The following AFF2 variants were observed in gnomAD, a reference collection of about 807,000 sequenced individuals.
AFF2 encodes the protein ALF transcription elongation factor 2.
In AFF2, 14 loss-of-function variants were observed where a neutral mutation model predicts 76.9. That is an observed-to-expected ratio of 0.18 (90% confidence interval 0.12 to 0.28). The LOEUF (loss-of-function observed/expected upper bound fraction) is 0.28. Ranked by LOEUF, AFF2 falls within the 10% of genes least tolerant of loss-of-function variation. The pLI is 1.00. For missense variants in AFF2, 868 were observed against 1,001.1 expected, an observed-to-expected ratio of 0.87 and a Z score of 1.79; for synonymous variants, 398 against 366.7, an observed-to-expected ratio of 1.09 and a Z score of -0.98.
intron 1 of AFF2, among the ~76,000 whole-genome samples, chrX:148,590,434 A>G (rs2053512580): frequency 9.0e-6 from 1 of 111,533 alleles, no homozygotes; most frequent in South Asian, 3.8e-4. Flanking sequence ...TTGCATAGCC[A>G]TAGTCTCTAC....
intron 3 of AFF2, among the ~76,000 whole-genome samples, chrX:148,804,921 G>T (rs1557271193): frequency 9.0e-6 from 1 of 111,677 alleles, no homozygotes. Context: ...GGAAAACTGG[G>T]ACTCCCTGGA....
At chrX:148,601,289 A>G (rs1296985846) in intron 1 of AFF2, among the ~76,000 whole-genome samples, 1 of 112,321 alleles carries the variant, frequency 8.9e-6, no homozygotes, top group African/African-American at 3.2e-5. Flanking sequence ...ACTGTTTAGC[A>G]AGTTATCTGC....
intron 9 of AFF2, among the ~76,000 whole-genome samples, chrX:148,907,578 C>G (rs1278261210): frequency 1.3e-4 from 14 of 110,918 alleles, no homozygotes; most frequent in African/African-American, 4.6e-4. Context: ...GCAAAACCAG[C>G]AAGTTTCTAT....
At chrX:148,693,024 T>G (rs1176898607) in intron 3 of AFF2, among the ~76,000 whole-genome samples, 4 of 111,487 alleles carry the variant, frequency 3.6e-5, no homozygotes, top group African/African-American at 9.8e-5. Flanking sequence ...GTTTACGCCA[T>G]TCTCCTGCCT....
intron 3 of AFF2, among the ~76,000 whole-genome samples, chrX:148,751,590 C>T (rs781784874): frequency 1.8e-5 from 2 of 112,004 alleles, no homozygotes; most frequent in South Asian, 7.5e-4. Context: ...CTCTAGTAGA[C>T]AGGGCTTGTT....
chrX:148,700,587 T>C lies in AFF2; in HGVS notation c.1041+37819T>C, dbSNP rs567418617. Among the ~76,000 whole-genome samples the C allele has an allele frequency of 7.2e-5, 8 of 110,634 alleles. No individual in the cohort carries two copies. The South Asian group carries it at 2.7e-3, about 37-fold the overall frequency. ...CTGATATGTTCTTTCCAATAAGCTC[T>C]TCTGTCCTTGGCTTTTTGCAGATGC... On this transcript the variant is annotated intron_variant, in intron 3 of 20. Coordinates refer to ENST00000370460, the MANE Select transcript of AFF2 (RefSeq NM_002025.4).
At chrX:148,818,426 A>G in intron 4 of AFF2, among the ~76,000 whole-genome samples, 1 of 111,854 alleles carries the variant, frequency 8.9e-6, no homozygotes. Context: ...ATGCCAAAGA[A>G]TACTTCAATA....
At chrX:148,883,858 A>T (rs1480053657) in intron 7 of AFF2, among the ~76,000 whole-genome samples, 2 of 111,001 alleles carry the variant, frequency 1.8e-5, no homozygotes, top group East Asian at 5.7e-4. Flanking sequence ...CTGCTGGTCA[A>T]ATACTTAGGA....
chrX:148,982,123 G>GA (rs1193253287), intron 19 of AFF2, among the ~76,000 whole-genome samples: 6 of 111,832 alleles, frequency 5.4e-5, no homozygotes, highest in Admixed American at 2.8e-4. Context: ...AATCACTGGG[G>GA]AAAAAAGCGT....
At chrX:148,918,457 A>T (rs1321010548) in intron 9 of AFF2, among the ~76,000 whole-genome samples, 1 of 112,138 alleles carries the variant, frequency 8.9e-6, no homozygotes, top group Non-Finnish European at 1.9e-5. Flanking sequence ...GGTACTGAGT[A>T]GTGAAGATCT....
At chrX:148,695,394 G>A (rs989384686) in intron 3 of AFF2, among the ~76,000 whole-genome samples, 4 of 111,724 alleles carry the variant, frequency 3.6e-5, no homozygotes, top group East Asian at 2.8e-4. Context: ...TATAGAATCC[G>A]AAGACAGGCC....
At chrX:148,946,295 C>A (rs1426587759) in intron 9 of AFF2, among the ~76,000 whole-genome samples, 2 of 112,379 alleles carry the variant, frequency 1.8e-5, no homozygotes, top group Non-Finnish European at 3.8e-5. Flanking sequence ...CCCAGCACGT[C>A]ATTTAGCCAT....
intron 3 of AFF2, among the ~76,000 whole-genome samples, chrX:148,743,880 A>C (rs1413695026): frequency 4.5e-5 from 5 of 110,817 alleles, no homozygotes; most frequent in Non-Finnish European, 9.4e-5. Context: ...AATGGAGAAA[A>C]CTGCCAAATA....
intron 1 of AFF2, among the ~76,000 whole-genome samples, chrX:148,589,652 G>A (rs1192037676): frequency 2.7e-5 from 3 of 111,290 alleles, no homozygotes; most frequent in Non-Finnish European, 5.7e-5. Flanking sequence ...CATTTAGTAT[G>A]TCACCCAAGT....
chrX:148,580,342 A>G (rs373539198), intron 1 of AFF2, among the ~76,000 whole-genome samples: 30 of 111,442 alleles, frequency 2.7e-4, no homozygotes, highest in African/African-American at 9.4e-4. Context: ...CACCTTTTGT[A>G]AAAGAACCCC....
chrX:148,844,742 C>A (rs782228921), intron 7 of AFF2, among the ~76,000 whole-genome samples: 2 of 111,027 alleles, frequency 1.8e-5, no homozygotes, highest in Non-Finnish European at 3.8e-5. Context: ...GGCATTTCTA[C>A]GTTCTTGGTG....
intron 1 of AFF2, among the ~76,000 whole-genome samples, chrX:148,573,391 T>C (rs5936405): frequency 0.27 from 30,221 of 110,207 alleles, 3,164 homozygotes; most frequent in Non-Finnish European, 0.31. Flanking sequence ...AAGTGCTATA[T>C]GGAGTGGATA....
rs782508166 is a variant in AFF2 at position 148,916,196 on chromosome X, C to CTTTTTTTTTTTT, written c.1397+11958_1397+11969dup. ...AATAGACTTTTGAATGTGGTTTTAACTTTTTTTTTTTTTTTTTTTTTTTTT... is the reference window on the plus strand; with the variant it reads ...AATAGACTTTTGAATGTGGTTTTAACTTTTTTTTTTTTTTTTTTTTTTTTTTTTTTTTTTTTT... On this transcript the variant is annotated intron_variant, in intron 9 of 20. Coordinates refer to ENST00000370460, the MANE Select transcript of AFF2 (RefSeq NM_002025.4). Among the ~76,000 whole-genome samples, 10 of 34,036 alleles carry CTTTTTTTTTTTT rather than the reference C, an allele frequency of 2.9e-4. 2 individuals carry two copies. The highest frequency in any genetic ancestry group is 1.2e-3 in the African/African-American group (10 of 8,053). The allele number at this position is 34,036 out of a possible 115,157, so 29.6% of individuals were successfully genotyped here.
chrX:148,544,474 A>G (rs1308462274), intron 1 of AFF2, among the ~76,000 whole-genome samples: 7 of 111,609 alleles, frequency 6.3e-5, no homozygotes, highest in African/African-American at 2.3e-4. Flanking sequence ...GCCAACTGAG[A>G]ATCCTCCCAA....
Sources: gnomAD v4.1 joint callset for allele counts (sites outside exome capture counted in the v4.1 genomes callset) on GRCh38, gnomAD v4.1.1 for gene constraint, MANE v1.5 for transcripts, NCBI Gene and HGNC (gene_info 2026-07-23, HGNC 2026-07-21) for gene names.